SPOCD1: variants seen among roughly 807,000 people sequenced by gnomAD.
SPOCD1 encodes SPOC domain containing 1.
Under a neutral mutation model 92.2 loss-of-function variants are expected in SPOCD1, and 64 were observed. That is an observed-to-expected ratio of 0.69 (90% CI 0.57 to 0.86). The LOEUF is 0.86. Ranked by LOEUF, SPOCD1 falls within the 40% of genes least tolerant of loss-of-function variation. SPOCD1 has a pLI of 0.00. For missense variants in SPOCD1, 1,360 were observed against 1,543.1 expected (o/e 0.88, Z 1.99); for synonymous variants, 578 against 619.3 (o/e 0.93, Z 0.99).
rs1322885297 is a variant in SPOCD1, at chr1:31,814,080, T to C, written c.1254A>G (p.Arg418=). Residue 418 remains arginine (R), a synonymous_variant, in exon 2 of 16, where the codon AGA becomes AGG. Transcript: ENST00000360482. The surrounding 1 kb of genome is among the most constrained non-coding windows in gnomAD (Gnocchi z 4.2). The part of the protein sequence containing the change: ...ACSGPFMEQR[R]SKGTKNLKKG... Reference sequence around the variant, plus strand: ...TCTTCAGGTTCTTAGTGCCCTTGGATCTTCTCTGCTCCATGAATGGGCCTG... The same window carrying C: ...TCTTCAGGTTCTTAGTGCCCTTGGACCTTCTCTGCTCCATGAATGGGCCTG... 2 of 1,613,664 alleles carry C rather than the reference T, an allele frequency of 1.2e-6. No homozygotes were observed. The highest frequency in any genetic ancestry group is 1.1e-5 in the South Asian group (1 of 90,882).
Position 31,790,637 on chromosome 1 carries a change from G to A in SPOCD1, c.3617C>T (p.Ala1206Val). Reference protein sequence around the residue: ...RDSSLGPTDEAGSECPFPRKA With the variant: ...RDSSLGPTDEVGSECPFPRKA ...TCTAGGGAAGGGACACTCAGAGCCA[G>A]CTTCATCTGTAGGCCCCAAAGAGGA... Residue 1206 changes from alanine to valine, a missense_variant, in exon 16 of 16, where the codon GCT (alanine) becomes GTT (valine). Ala to Val is a moderately conservative substitution (Grantham distance 64). This residue lies in a region of SPOCD1 where 614 missense variants were observed against 757.8 expected (regional missense o/e 0.81). Coordinates refer to ENST00000360482, the MANE Select transcript of SPOCD1 (RefSeq NM_144569.7). The A allele has an allele frequency of 4.5e-6, 7 of 1,551,948 alleles. No homozygotes were observed. The highest frequency in any genetic ancestry group is 6.1e-6 in the Non-Finnish European group (7 of 1,147,092).
intron 2 of SPOCD1, among the ~76,000 whole-genome samples, chr1:31,811,388 G>GTTT (rs1260219888): frequency 6.6e-6 from 1 of 151,906 alleles, no homozygotes; most frequent in Non-Finnish European, 1.5e-5. Context: ...AAACCAGGAG[G>GTTT]CAAAGGTTGT....
In SPOCD1 at chr1:31,800,023, C is replaced by T; in HGVS notation, c.1721G>A (p.Cys574Tyr). The change falls in exon 5 of 16, where the codon TGT becomes TAT. Residue 574 changes from cysteine (C) to tyrosine (Y), a missense_variant. Cys to Tyr is a radical substitution (Grantham distance 194). Around this residue, in one of 3 missense-constraint regions of SPOCD1, gnomAD observed 606 missense variants for 601.5 expected, o/e 1.01. Transcript: ENST00000360482. ...CGGGGCAGAACAACTTGCCTGGGAA[C>T]ATGCAGGGTCCGAGCTGGGGTCGCC... ...ALGDPSSDPA[C>Y]SQSGPMEAEE... is the part of the protein sequence containing the mutation. 2 of 1,612,080 alleles carry T rather than the reference C, an allele frequency of 1.2e-6. No individual in the cohort carries two copies. Among genetic ancestry groups the T allele is most frequent in the Non-Finnish European group, 1.7e-6 (2 of 1,178,996 alleles).
intron 15 of SPOCD1, among the ~76,000 whole-genome samples, chr1:31,791,602 G>A (rs1203350477): frequency 6.6e-6 from 1 of 152,196 alleles, no homozygotes; most frequent in Non-Finnish European, 1.5e-5. Context: ...CTGCTTTCCT[G>A]AGCCACGCCG....
intron 9 of SPOCD1, 91 bp from the exon 10 acceptor site, chr1:31,796,806 T>G: frequency 6.4e-7 from 1 of 1,568,638 alleles, no homozygotes; most frequent in Middle Eastern, 2.0e-4. Flanking sequence ...TTGAGGCCCC[T>G]CTCTTGTGGT....
intron 2 of SPOCD1, 147 bp downstream of exon 2, chr1:31,813,804 C>T (rs1372180833): frequency 1.2e-5 from 8 of 646,508 alleles, no homozygotes; most frequent in Admixed American, 3.2e-5. Flanking sequence ...AGTTTGTGGG[C>T]CTCATTTTAC....
chr1:31,793,930 G>T (rs200958049), intron 11 of SPOCD1, 33 bp from the exon 12 acceptor site: 2 of 1,594,616 alleles, frequency 1.3e-6, no homozygotes, highest in Non-Finnish European at 1.7e-6. Context: ...CTGAAACAGG[G>T]GCAGCAGCAG....
intron 2 of SPOCD1, among the ~76,000 whole-genome samples, chr1:31,810,545 G>T (rs1649132164): frequency 6.6e-6 from 1 of 151,910 alleles, no homozygotes; most frequent in African/African-American, 2.4e-5. Flanking sequence ...CTACAGACAG[G>T]GTTTTGCCAC....
At chr1:31,813,889 A>G (rs1273706648) in intron 2 of SPOCD1, 62 bp downstream of exon 2, 7 of 1,384,958 alleles carry the variant, frequency 5.1e-6, no homozygotes, top group Non-Finnish European at 9.5e-7. Context: ...TTCCACTGCC[A>G]AGTATGGTAT....
chr1:31,793,774 T>A lies in SPOCD1; in HGVS notation c.2507A>T (p.Glu836Val), dbSNP rs1187431509. 4 of 1,614,200 alleles carry A rather than the reference T, an allele frequency of 2.5e-6. No individual in the cohort carries two copies. The highest frequency in any genetic ancestry group is 3.4e-6 in the Non-Finnish European group (4 of 1,180,030). Residue 836 changes from glutamate (E) to valine (V), a missense_variant, in exon 12 of 16, where the codon GAG becomes GTG. By Grantham distance (121) the Glu-to-Val change is moderately radical. Transcript: ENST00000360482. The part of the protein sequence containing the change: ...MPAPEMPKTR[E>V]LSPTEPQDRV... ...GTCCTGTGGTTCCGTGGGAGACAAC[T>A]CCCTGGTTTTGGGCATCTCTGGAGC...
intron 5 of SPOCD1, 38 bp from the exon 6 acceptor site, chr1:31,799,901 G>A (rs368826333): frequency 1.9e-6 from 3 of 1,613,782 alleles, no homozygotes; most frequent in Admixed American, 1.7e-5. Context: ...CTGTGCTGGT[G>A]GGCCTGGCTT....
At chr1:31,815,663 T>G in intron 1 of SPOCD1, 1 of 238,458 alleles carries the variant, frequency 4.2e-6, no homozygotes, top group Non-Finnish European at 8.0e-6. Flanking sequence ...TACCATTTAT[T>G]TATGACTTAT....
At chr1:31,794,462 T>G in intron 10 of SPOCD1, 3 of 386,074 alleles carry the variant, frequency 7.8e-6, no homozygotes, top group South Asian at 9.1e-5. Context: ...GTTGATATCC[T>G]GGGTATTCCT....
chr1:31,803,528 T>G (rs1570180670), intron 2 of SPOCD1, among the ~76,000 whole-genome samples: 1 of 150,620 alleles, frequency 6.6e-6, no homozygotes, highest in African/African-American at 2.4e-5. Context: ...AGGCCAGAAG[T>G]TTGAGAGCAG....
At chr1:31,792,061 G>C in intron 15 of SPOCD1, 154 bp downstream of exon 15, 1 of 770,300 alleles carries the variant, frequency 1.3e-6, no homozygotes, top group Non-Finnish European at 2.1e-6. Context: ...ATCCAAGCGT[G>C]AGCTATTACT....
Position 31,793,441 on chromosome 1 carries a change from A to T in SPOCD1, c.2535-13T>A. On this transcript the variant is annotated splice_polypyrimidine_tract_variant and intron_variant, in intron 12 of 15. Transcript: ENST00000360482. ...AGATGGAGGGACCCTAGAGGGAGGG[A>T]CAGAAGACAGGGCCAGACAGAGCAG... 1 of 1,581,464 alleles carries T rather than the reference A, an allele frequency of 6.3e-7. No homozygotes were observed. The highest frequency in any genetic ancestry group is 8.6e-7 in the Non-Finnish European group (1 of 1,163,436).
rs79366319 is a variant in SPOCD1, at chr1:31,798,623, G to A, written c.1869-22C>T. 2.8e-3 allele frequency: 4,422 copies of A among 1,607,524 alleles called. 93 individuals are homozygous for A. In the African/African-American group the frequency reaches 0.05, roughly 18 times the overall value. On this transcript the variant is annotated intron_variant, in intron 7 of 15. Transcript: ENST00000360482. This position sits in a 1 kb window ranked among gnomAD's most constrained non-coding sequence, Gnocchi z 4.1. Reference sequence around the variant, plus strand: ...AAGGCTGTGGAGGCCAGGGCAGGGCGGGGGCACTGAGCCCAGGAGGCTCTC... The same window carrying A: ...AAGGCTGTGGAGGCCAGGGCAGGGCAGGGGCACTGAGCCCAGGAGGCTCTC...
rs201543159 is a variant in SPOCD1, at chr1:31,793,805, T to C, written c.2476A>G (p.Met826Val). ...GTTTTGGGCATCTCTGGAGCAGGCA[T>C]AGGAGTTTGGCTTAGGGCTTTCTGG... ...IFQKALSQTP[M>V]PAPEMPKTRE... is the part of the protein sequence containing the mutation. Residue 826 changes from methionine (M) to valine (V), a missense_variant, in exon 12 of 16, where the codon ATG becomes GTG. Met to Val is a conservative substitution (Grantham distance 21). Coordinates refer to ENST00000360482, the MANE Select transcript of SPOCD1 (RefSeq NM_144569.7). 22 of 1,614,210 alleles carry C rather than the reference T, an allele frequency of 1.4e-5. No individual in the cohort carries two copies. The highest frequency in any genetic ancestry group is 8.3e-5 in the Admixed American group (5 of 60,032).
rs1362344138 is a variant in SPOCD1, at chr1:31,791,262, GGA to G, written c.2990_2991del (p.Leu997ProfsTer45). ...PGLWALPVSPLLSPGLEVTHS... is the reference protein window; with the variant it reads ...PGLWALPVSPXLSPGLEVTHS... Reference sequence around the variant, plus strand: ...TGAGTGACCTCCAGACCTGGGGAAAGGAGAGGGGAGACAGGAAGAGCCCAAAG... The same window carrying G: ...TGAGTGACCTCCAGACCTGGGGAAAGGAGGGGAGACAGGAAGAGCCCAAAG... On this transcript the variant is annotated frameshift_variant, in exon 16 of 16. Coordinates refer to ENST00000360482, the MANE Select transcript of SPOCD1 (RefSeq NM_144569.7). LOFTEE classifies it low-confidence loss of function (END_TRUNC). 2 of 1,552,748 alleles carry G rather than the reference GGA, an allele frequency of 1.3e-6. No homozygotes were observed. The highest frequency in any genetic ancestry group is 2.7e-5 in the African/African-American group (2 of 73,078).
Sources: allele counts gnomAD v4.1 joint callset (sites outside exome capture counted in the v4.1 genomes callset), GRCh38; gene constraint gnomAD v4.1.1; regional missense constraint gnomAD v4.1.1; non-coding constraint Gnocchi (gnomAD v3.1); transcripts MANE v1.5; gene names NCBI Gene and HGNC (gene_info 2026-07-23, HGNC 2026-07-21).